The following AGBL1 variants were observed in gnomAD, a reference collection of about 807,000 sequenced individuals.
AGBL1 encodes cytosolic carboxypeptidase 4.
In AGBL1, 130 loss-of-function variants were observed where a neutral mutation model predicts 118.9. The ratio of observed to expected loss-of-function variants is 1.09; its 90% CI spans 0.95 to 1.26. The LOEUF (loss-of-function observed/expected upper bound fraction) is 1.26, where lower values mean the gene tolerates loss of function less well. AGBL1 is among the 50% of genes most tolerant of loss of function. AGBL1 has a pLI of 0.00. For synonymous variants in AGBL1, 555 were observed against 478.9 expected (o/e 1.16, Z -2.08); for missense variants, 1,584 against 1,298.1 (o/e 1.22, Z -3.38).
At chr15:86,482,704 T>C (rs1023973631) in intron 18 of AGBL1, among the ~76,000 whole-genome samples, 6 of 152,272 alleles carry the variant, frequency 3.9e-5, no homozygotes, top group South Asian at 2.1e-4. Flanking sequence ...ATATTTCACC[T>C]ACTTTGTGTC....
intron 22 of AGBL1, among the ~76,000 whole-genome samples, chr15:86,900,979 G>A (rs937682408): frequency 1.3e-5 from 2 of 152,050 alleles, no homozygotes; most frequent in Admixed American, 6.5e-5. Flanking sequence ...TTTACTTAGT[G>A]TAAACCTCAC....
chr15:86,787,765 G>A (rs920139807), intron 22 of AGBL1, among the ~76,000 whole-genome samples: 1 of 152,002 alleles, frequency 6.6e-6, no homozygotes, highest in Non-Finnish European at 1.5e-5. Flanking sequence ...GAGATTGCTG[G>A]GTCATATGGA....
intron 21 of AGBL1, among the ~76,000 whole-genome samples, chr15:86,572,754 C>T (rs891709198): frequency 6.6e-6 from 1 of 152,240 alleles, no homozygotes; most frequent in Non-Finnish European, 1.5e-5. Context: ...GCCTGCGCTT[C>T]GCTGCTTCAG....
At chr15:86,391,236 TA>T (rs918463914) in intron 17 of AGBL1, among the ~76,000 whole-genome samples, 1 of 151,944 alleles carries the variant, frequency 6.6e-6, no homozygotes, top group Non-Finnish European at 1.5e-5. Context: ...ATAAAACTAA[TA>T]AAAAAGATAG....
At chr15:86,855,313 A>G (rs1742829403) in intron 22 of AGBL1, among the ~76,000 whole-genome samples, 1 of 152,232 alleles carries the variant, frequency 6.6e-6, no homozygotes, top group African/African-American at 2.4e-5. Flanking sequence ...CAAAAAGCTC[A>G]AGTAGCTTAG....
intron 17 of AGBL1, among the ~76,000 whole-genome samples, chr15:86,319,393 T>C (rs2080068584): frequency 6.6e-6 from 1 of 152,204 alleles, no homozygotes; most frequent in Admixed American, 6.5e-5. Context: ...TGGCATTTTT[T>C]TGATAATAAA....
intron 5 of AGBL1, among the ~76,000 whole-genome samples, chr15:86,215,582 G>GTTAAGTAC (rs1396613264): frequency 1.4e-4 from 21 of 152,162 alleles, no homozygotes; most frequent in African/African-American, 5.1e-4. Flanking sequence ...TGACATTGCA[G>GTTAAGTAC]TGAGACAGAT....
intron 21 of AGBL1, among the ~76,000 whole-genome samples, chr15:86,598,856 T>C (rs906559420): frequency 6.6e-6 from 1 of 152,184 alleles, no homozygotes; most frequent in African/African-American, 2.4e-5. Flanking sequence ...TGTTGAATTG[T>C]CAATGTAAGG....
At chr15:86,518,736 G>A (rs1358716108) in intron 18 of AGBL1, among the ~76,000 whole-genome samples, 2 of 151,960 alleles carry the variant, frequency 1.3e-5, no homozygotes, top group African/African-American at 2.4e-5. Context: ...AAAACATTCA[G>A]TCAGTGCAAA....
intron 18 of AGBL1, among the ~76,000 whole-genome samples, chr15:86,484,777 G>A (rs1036366170): frequency 6.6e-6 from 1 of 152,070 alleles, no homozygotes; most frequent in Non-Finnish European, 1.5e-5. Context: ...ATCTGCAGCT[G>A]TATTGTTCGA....
chr15:86,971,999 G>A (rs1321968974), intron 23 of AGBL1, among the ~76,000 whole-genome samples: 1 of 151,972 alleles, frequency 6.6e-6, no homozygotes, highest in Non-Finnish European at 1.5e-5. Context: ...CTTCTGCCAT[G>A]ATTCTAAGTT....
intron 5 of AGBL1, among the ~76,000 whole-genome samples, chr15:86,170,670 C>A (rs1880984100): frequency 7.1e-6 from 1 of 141,514 alleles, no homozygotes; most frequent in African/African-American, 2.7e-5. Flanking sequence ...CATGGTGAAA[C>A]CCCCCTCTCT....
intron 9 of AGBL1, among the ~76,000 whole-genome samples, chr15:86,261,989 T>C (rs149538759): frequency 4.6e-5 from 7 of 151,670 alleles, no homozygotes; most frequent in South Asian, 2.1e-4. Flanking sequence ...CTTCCTCTTA[T>C]TCTGTATGCA....
At chr15:86,200,560 CCCT>C (rs201861513) in intron 5 of AGBL1, among the ~76,000 whole-genome samples, 14 of 138,790 alleles carry the variant, frequency 1.0e-4, no homozygotes, top group East Asian at 4.8e-4. Context: ...ACCCCCCCCC[CCCT>C]TTTTTTTTTG....
At chr15:86,779,975 T>A (rs540411851) in intron 22 of AGBL1, among the ~76,000 whole-genome samples, 1 of 152,070 alleles carries the variant, frequency 6.6e-6, no homozygotes, top group Non-Finnish European at 1.5e-5. Context: ...TCAGTATGTT[T>A]TATTTCTGAG....
At chr15:86,964,925 T>C (rs1171229802) in intron 23 of AGBL1, among the ~76,000 whole-genome samples, 1 of 152,146 alleles carries the variant, frequency 6.6e-6, no homozygotes, top group East Asian at 1.9e-4. Context: ...AATAATGGCT[T>C]ACAGCTTCAT....
At chr15:86,582,497 C>T (rs2084183848) in intron 21 of AGBL1, among the ~76,000 whole-genome samples, 1 of 152,072 alleles carries the variant, frequency 6.6e-6, no homozygotes, top group Non-Finnish European at 1.5e-5. Context: ...TTTGACCCAG[C>T]CATCCCATTA....
intron 24 of AGBL1, among the ~76,000 whole-genome samples, chr15:87,012,772 A>C (rs1359477189): frequency 6.6e-6 from 1 of 152,042 alleles, no homozygotes; most frequent in African/African-American, 2.4e-5. Flanking sequence ...CTAAATAAAA[A>C]GTGAAACCTG....
At chr15:86,768,996 G>C (rs1403012823) in intron 22 of AGBL1, among the ~76,000 whole-genome samples, 1 of 151,966 alleles carries the variant, frequency 6.6e-6, no homozygotes, top group Non-Finnish European at 1.5e-5. Context: ...CCCTGGGTTA[G>C]AGACAAAGAC....
Sources: gnomAD v4.1 joint callset for allele counts (sites outside exome capture counted in the v4.1 genomes callset) on GRCh38, gnomAD v4.1.1 for gene constraint, MANE v1.5 for transcripts, NCBI Gene and HGNC (gene_info 2026-07-23, HGNC 2026-07-21) for gene names.